Variants in CDH26 observed in about 807,000 individuals in gnomAD.
The protein encoded by CDH26 is cadherin-like protein 26.
CDH26 carries 83 observed loss-of-function variants against 90.3 expected under a neutral mutation model. That is an observed-to-expected ratio of 0.92 (90% CI 0.77 to 1.10). The LOEUF (loss-of-function observed/expected upper bound fraction) is 1.10, where lower values mean the gene tolerates loss of function less well. CDH26 is among the 50% of genes least tolerant of loss of function. The pLI is 0.00. For synonymous variants in CDH26, 397 were observed against 396.3 expected (o/e 1.00, Z -0.02); for missense variants, 1,013 against 1,037.6 (o/e 0.98, Z 0.33).
At chr20:59,965,293 G>A (rs1300204730) in intron 1 of CDH26, among the ~76,000 whole-genome samples, 3 of 152,106 alleles carry the variant, frequency 2.0e-5, no homozygotes, top group Admixed American at 6.6e-5. Flanking sequence ...TGACGCGGAC[G>A]AGCCAACCAG....
At chr20:59,979,909 G>A (rs1029112367) in intron 4 of CDH26, among the ~76,000 whole-genome samples, 4 of 151,946 alleles carry the variant, frequency 2.6e-5, no homozygotes, top group Non-Finnish European at 4.4e-5. Context: ...TTACAGGTGT[G>A]AGCAACCATA....
chr20:60,002,282 C>T lies in CDH26; in HGVS notation c.2167-531C>T, dbSNP rs1053251433. Among the ~76,000 whole-genome samples, 4 of 151,964 alleles carry T rather than the reference C, an allele frequency of 2.6e-5. No homozygotes were observed. In the South Asian group the frequency reaches 6.2e-4, roughly 24 times the overall value. On this transcript the variant is annotated intron_variant, in intron 15 of 17. Coordinates refer to ENST00000348616, the MANE Select transcript of CDH26 (RefSeq NM_177980.4). Reference sequence around the variant, plus strand: ...CACAAATCCATCACTGAAGGGCTCCCGCATTGATGAATGTTGGGTTCCATG... The same window carrying T: ...CACAAATCCATCACTGAAGGGCTCCTGCATTGATGAATGTTGGGTTCCATG...
At chr20:59,994,079 C>CAT in intron 10 of CDH26, 171 bp from the exon 11 acceptor site, 1 of 774,282 alleles carries the variant, frequency 1.3e-6, no homozygotes, top group Non-Finnish European at 2.0e-6. Context: ...TCTGAATGCT[C>CAT]ATAAAAGCAG....
intron 17 of CDH26, among the ~76,000 whole-genome samples, chr20:60,010,248 G>A (rs1175922333): frequency 2.0e-5 from 3 of 152,106 alleles, no homozygotes; most frequent in Non-Finnish European, 2.9e-5. Context: ...ATGGGGACAC[G>A]CATGGGGTCC....
intron 4 of CDH26, among the ~76,000 whole-genome samples, chr20:59,978,202 T>C (rs2061349297): frequency 6.6e-6 from 1 of 152,150 alleles, no homozygotes; most frequent in Non-Finnish European, 1.5e-5. Flanking sequence ...TATAAACATG[T>C]GTGTGCAGGT....
intron 1 of CDH26, among the ~76,000 whole-genome samples, chr20:59,964,900 A>C (rs1031421521): frequency 6.6e-6 from 1 of 152,296 alleles, no homozygotes; most frequent in African/African-American, 2.4e-5. Flanking sequence ...GGAACAAGAA[A>C]CCTCAATATA....
intron 16 of CDH26, among the ~76,000 whole-genome samples, chr20:60,004,639 G>A (rs781660698): frequency 1.6e-4 from 24 of 151,640 alleles, no homozygotes; most frequent in Middle Eastern, 3.2e-3. Flanking sequence ...GGTGGCGGGC[G>A]CCTGTAGCCC....
intron 1 of CDH26, among the ~76,000 whole-genome samples, chr20:59,967,856 TCTTTCTTTCTTTCTTTCTTTCTTCCTTC>T (rs1477722056): frequency 1.7e-5 from 2 of 114,584 alleles, no homozygotes; most frequent in African/African-American, 9.5e-5. Flanking sequence ...TTTCTTTCTT[TCTTTCTTTCTTTCTTTCTTTCTTCCTTC>T]CTTCCTTCCT....
chr20:60,031,680 G>A (rs1186655187), intron 8 of CDH26, among the ~76,000 whole-genome samples: 1 of 152,226 alleles, frequency 6.6e-6, no homozygotes, highest in African/African-American at 2.4e-5. Context: ...TTTACAGAGA[G>A]GCTGGGAGAG....
At chr20:60,021,897 C>CACACACACACACATATAT (rs1295572684) in intron 7 of CDH26, among the ~76,000 whole-genome samples, 2 of 78,938 alleles carry the variant, frequency 2.5e-5, no homozygotes, top group African/African-American at 4.0e-5. Flanking sequence ...CACACACACA[C>CACACACACACACATATAT]ATATATATAT....
At position 59,994,365 on chromosome 20, in the gene CDH26, G is replaced by T; in HGVS notation, c.1542G>T (p.Val514=). 6.2e-7 allele frequency: 1 copy of T among 1,614,090 alleles called. No homozygotes were observed. Among genetic ancestry groups the T allele is most frequent in the Non-Finnish European group, 8.5e-7 (1 of 1,180,022 alleles). The change falls in exon 11 of 18, where the codon GTG becomes GTT. Residue 514 remains valine, a synonymous_variant. Transcript: ENST00000348616. The part of the protein sequence containing the change: ...SRYMEVCESA[V]HEPLHIEAED... ...ACATGGAGGTCTGTGAGTCTGCTGT[G>T]CATGAGCCCCTCCACATCGAGGCAG...
chr20:60,031,861 C>A (rs2062041951), intron 8 of CDH26, among the ~76,000 whole-genome samples: 1 of 152,142 alleles, frequency 6.6e-6, no homozygotes, highest in Non-Finnish European at 1.5e-5. Flanking sequence ...CTTCATCTGT[C>A]ATGCGATTTG....
intron 4 of CDH26, among the ~76,000 whole-genome samples, chr20:59,979,818 G>C (rs962690323): frequency 1.3e-5 from 2 of 150,828 alleles, no homozygotes; most frequent in Non-Finnish European, 3.0e-5. Context: ...GTAGAGTCGG[G>C]GTTTCACCAT....
At chr20:60,012,108 A>G (rs1404050776) in intron 17 of CDH26, among the ~76,000 whole-genome samples, 1 of 151,978 alleles carries the variant, frequency 6.6e-6, no homozygotes, top group African/African-American at 2.4e-5. Flanking sequence ...GTGGGTCGGG[A>G]GAAAGGAGCC....
chr20:60,026,415 AGAGAGAGAGAGG>A (rs1328180401), intron 7 of CDH26, among the ~76,000 whole-genome samples: 3 of 151,664 alleles, frequency 2.0e-5, no homozygotes, highest in African/African-American at 7.3e-5. Context: ...AGAGAGAGAG[AGAGAGAGAGAGG>A]GAGAAGAGGA....
At chr20:59,968,041 CTCTCTCTCTCTG>C (rs1322911940) in intron 1 of CDH26, among the ~76,000 whole-genome samples, 55 of 129,454 alleles carry the variant, frequency 4.2e-4, no homozygotes, top group Non-Finnish European at 6.8e-4. Context: ...CTCTCTCTCT[CTCTCTCTCTCTG>C]TCTCTCTCTC....
At chr20:60,001,310 T>C in intron 14 of CDH26, 33 bp from the exon 15 acceptor site, 1 of 1,613,234 alleles carries the variant, frequency 6.2e-7, no homozygotes, top group Non-Finnish European at 8.5e-7. Context: ...AGAAATCCAT[T>C]CTCTTTTGAG....
chr20:59,994,259 C>A lies in CDH26; in HGVS notation c.1436C>A (p.Pro479Gln). The change falls in exon 11 of 18, where the codon CCG becomes CAG. Residue 479 changes from proline (P) to glutamine (Q), a missense_variant. Transcript: ENST00000348616. ...IIHAVDDGFP[P>Q]QTATGTLMLF... ...TTCCTCCCCATACAAGGCTTCCCAC[C>A]GCAGACTGCTACAGGGACCCTAATG... 1 of 1,613,936 alleles carries A rather than the reference C, an allele frequency of 6.2e-7. No individual in the cohort carries two copies. Among genetic ancestry groups the A allele is most frequent in the Non-Finnish European group, 8.5e-7 (1 of 1,180,006 alleles).
At chr20:60,025,097 A>G (rs1340295225) in intron 7 of CDH26, among the ~76,000 whole-genome samples, 2 of 152,236 alleles carry the variant, frequency 1.3e-5, no homozygotes, top group South Asian at 4.1e-4. Flanking sequence ...CAGGCCAAAA[A>G]GGCCTGGATC....
Sources: gnomAD v4.1 joint callset for allele counts (sites outside exome capture counted in the v4.1 genomes callset) on GRCh38, gnomAD v4.1.1 for gene constraint, MANE v1.5 for transcripts, NCBI Gene and HGNC (gene_info 2026-07-23, HGNC 2026-07-21) for gene names.